Variants in RAB27B observed in about 807,000 individuals in gnomAD.
RAB27B encodes the protein RAB27B, member RAS oncogene family.
RAB27B carries 15 observed loss-of-function variants against 24.6 expected under a neutral mutation model. The observed-to-expected ratio is 0.61, with a 90% CI of 0.41 to 0.94. The LOEUF is 0.94. Among genes scored for constraint, RAB27B ranks in the 40% least tolerant of loss-of-function variants. The pLI, the probability that RAB27B is intolerant of heterozygous loss-of-function variation, is 0.00. For synonymous variants in RAB27B, 105 were observed against 92.5 expected, an observed-to-expected ratio of 1.14 and a Z score of -0.78; for missense variants, 261 against 266.8, an observed-to-expected ratio of 0.98 and a Z score of 0.15.
intron 2 of RAB27B, among the ~76,000 whole-genome samples, chr18:54,803,681 A>C (rs557882543): frequency 6.6e-6 from 1 of 152,244 alleles, no homozygotes; most frequent in South Asian, 2.1e-4. Context: ...CAGACTTGGG[A>C]TATGTCTTGG....
intron 2 of RAB27B, among the ~76,000 whole-genome samples, chr18:54,735,793 A>T (rs1048458032): frequency 2.0e-4 from 30 of 152,138 alleles, no homozygotes; most frequent in African/African-American, 7.2e-4. Context: ...AGGTGCTGGG[A>T]TTAGAGGTGT....
chr18:54,795,392 A>G (rs2145119470), intron 2 of RAB27B, among the ~76,000 whole-genome samples: 1 of 152,342 alleles, frequency 6.6e-6, no homozygotes, highest in Non-Finnish European at 1.5e-5. Flanking sequence ...CCAATCACTG[A>G]GATGACAAGT....
chr18:54,886,245 A>G (rs1022422349), intron 4 of RAB27B, among the ~76,000 whole-genome samples: 1 of 152,112 alleles, frequency 6.6e-6, no homozygotes, highest in African/African-American at 2.4e-5. Context: ...ATCACCTGAC[A>G]TGATGTGATG....
In RAB27B at chr18:54,893,979, AC is replaced by A. The variant is rs1441224517; in HGVS notation, c.*4567del. The A allele has an allele frequency of 2.6e-5, 4 of 152,122 alleles. 1 individual carries two copies. In the South Asian group the frequency reaches 8.3e-4, roughly 32 times the overall value. The allele number at this position is 152,122 out of a possible 1,614,324, so 9.4% of individuals were successfully genotyped here. On this transcript the variant is annotated 3_prime_UTR_variant, in exon 6 of 6. Transcript: ENST00000262094. ...GAACTAAACTAGTAAAAATATCTGA[AC>A]AAAAAACCTTTCGTTGTTGGCATAA...
intron 4 of RAB27B, among the ~76,000 whole-genome samples, chr18:54,885,249 A>C (rs1006492240): frequency 1.3e-5 from 2 of 152,142 alleles, no homozygotes; most frequent in Non-Finnish European, 2.9e-5. Flanking sequence ...GGCTGCTCTT[A>C]TCATTTCCAG....
At chr18:54,744,354 G>T (rs1910166759) in intron 2 of RAB27B, among the ~76,000 whole-genome samples, 1 of 152,060 alleles carries the variant, frequency 6.6e-6, no homozygotes, top group African/African-American at 2.4e-5. Context: ...TAAGATTTGG[G>T]CTATACTGAT....
intron 1 of RAB27B, among the ~76,000 whole-genome samples, chr18:54,840,171 A>C (rs760368026): frequency 4.6e-5 from 7 of 152,164 alleles, no homozygotes; most frequent in Non-Finnish European, 8.8e-5. Context: ...ATATTAATTG[A>C]GGGTAAAGTT....
chr18:54,774,291 A>G (rs1251968431), intron 2 of RAB27B, among the ~76,000 whole-genome samples: 2 of 152,256 alleles, frequency 1.3e-5, no homozygotes, highest in Middle Eastern at 3.2e-3. Flanking sequence ...TAGGTAACTT[A>G]TATTGAGTAT....
intron 2 of RAB27B, among the ~76,000 whole-genome samples, chr18:54,722,196 C>A (rs528173888): frequency 6.6e-6 from 1 of 152,130 alleles, no homozygotes; most frequent in Admixed American, 6.6e-5. Context: ...ACTCCTGTAC[C>A]GCTTTCTTTA....
intron 2 of RAB27B, among the ~76,000 whole-genome samples, chr18:54,757,487 C>A (rs11151977): frequency 0.5 from 75,390 of 151,882 alleles, 19,781 homozygotes; most frequent in Non-Finnish European, 0.59. Flanking sequence ...ATAATAGTAA[C>A]AAAGATGGTG....
chr18:54,744,391 T>C (rs1910168093), intron 2 of RAB27B, among the ~76,000 whole-genome samples: 1 of 152,226 alleles, frequency 6.6e-6, no homozygotes, highest in Admixed American at 6.5e-5. Flanking sequence ...GCTTAGACAA[T>C]AGGTGACTAT....
intron 4 of RAB27B, among the ~76,000 whole-genome samples, 180 bp from the exon 5 acceptor site, chr18:54,887,815 G>A (rs1183656366): frequency 6.6e-6 from 1 of 152,102 alleles, no homozygotes; most frequent in East Asian, 1.9e-4. Flanking sequence ...TTTGTAAGGT[G>A]TTATCTCCGT....
chr18:54,738,932 C>G (rs554477160), intron 2 of RAB27B, among the ~76,000 whole-genome samples: 2 of 152,234 alleles, frequency 1.3e-5, no homozygotes, highest in African/African-American at 4.8e-5. Context: ...TTATCACCCC[C>G]CAAATTTCCC....
chr18:54,870,760 T>C (rs939196115), intron 1 of RAB27B, among the ~76,000 whole-genome samples: 1 of 152,216 alleles, frequency 6.6e-6, no homozygotes, highest in African/African-American at 2.4e-5. Flanking sequence ...ATATACACCA[T>C]GCCAACTGTG....
intron 2 of RAB27B, among the ~76,000 whole-genome samples, chr18:54,764,446 A>G (rs1367321483): frequency 6.6e-6 from 1 of 152,160 alleles, no homozygotes; most frequent in Non-Finnish European, 1.5e-5. Flanking sequence ...CAAATACCTG[A>G]TATCTCTGCC....
At chr18:54,784,540 C>T (rs891415300) in intron 2 of RAB27B, among the ~76,000 whole-genome samples, 6 of 152,264 alleles carry the variant, frequency 3.9e-5, no homozygotes, top group South Asian at 2.1e-4. Flanking sequence ...GTTTAACTCC[C>T]GCTTGTAAGT....
chr18:54,805,563 C>A (rs1427987272), intron 2 of RAB27B, among the ~76,000 whole-genome samples: 1 of 152,126 alleles, frequency 6.6e-6, no homozygotes, highest in Admixed American at 6.6e-5. Flanking sequence ...GCAACTTTGT[C>A]CTTTGTGATT....
rs138309001 is a variant in RAB27B, at chr18:54,744,585, G to A, written c.-20+26444G>A. Among the ~76,000 whole-genome samples the A allele has an allele frequency of 2.6e-3, 393 of 152,202 alleles. 2 individuals are homozygous for A. The highest frequency in any genetic ancestry group is 4.3e-3 in the Non-Finnish European group (290 of 68,014). On this transcript the variant is annotated intron_variant, in intron 2 of 4. Transcript: ENST00000586570. ...ATAATTATTCTTATTTGATCATTAC[G>A]TATACATTGTATACATGTATTGAAC...
At chr18:54,795,351 G>A (rs544540301) in intron 2 of RAB27B, among the ~76,000 whole-genome samples, 1 of 152,250 alleles carries the variant, frequency 6.6e-6, no homozygotes, top group East Asian at 1.9e-4. Flanking sequence ...AAATGCCAAG[G>A]GTTTGATCTA....
Sources: allele counts gnomAD v4.1 joint callset (sites outside exome capture counted in the v4.1 genomes callset), GRCh38; gene constraint gnomAD v4.1.1; transcripts MANE v1.5; gene names NCBI Gene and HGNC (gene_info 2026-07-23, HGNC 2026-07-21).